The following ULK4 variants were observed in gnomAD, a reference collection of about 807,000 sequenced individuals.
ULK4 encodes inactive serine/threonine-protein kinase ULK4.
A neutral mutation model predicts 160.6 loss-of-function variants in ULK4; 133 were observed. That is an observed-to-expected ratio of 0.83 (90% CI 0.72 to 0.96). ULK4 has a LOEUF of 0.96. Ranked by LOEUF, ULK4 falls within the 40% of genes least tolerant of loss-of-function variation. The pLI is 0.00. For synonymous variants in ULK4, 534 were observed against 539.8 expected (o/e 0.99, Z 0.15); for missense variants, 1,580 against 1,499.5 (o/e 1.05, Z -0.89).
At chr3:41,635,816 G>C (rs2033930129) in intron 30 of ULK4, among the ~76,000 whole-genome samples, 1 of 152,192 alleles carries the variant, frequency 6.6e-6, no homozygotes, top group Non-Finnish European at 1.5e-5. Flanking sequence ...GAGCCTGTTA[G>C]ATATATTATA....
intron 34 of ULK4, among the ~76,000 whole-genome samples, chr3:41,409,912 G>A (rs1413488857): frequency 6.6e-6 from 1 of 151,464 alleles, no homozygotes; most frequent in African/African-American, 2.4e-5. Flanking sequence ...TCACGCCACT[G>A]TACTCCAGCC....
At chr3:41,857,401 TTC>T (rs1174784800) in intron 17 of ULK4, among the ~76,000 whole-genome samples, 1 of 152,220 alleles carries the variant, frequency 6.6e-6, no homozygotes, top group Non-Finnish European at 1.5e-5. Context: ...GCCCATAGTT[TTC>T]TTTTTTTGAT....
chr3:41,298,445 G>A (rs2079715644), intron 35 of ULK4, among the ~76,000 whole-genome samples: 2 of 152,152 alleles, frequency 1.3e-5, no homozygotes. Context: ...ATGTTTTCCT[G>A]TTGTTAAACT....
chr3:41,390,933 C>T (rs2081942814), intron 35 of ULK4, among the ~76,000 whole-genome samples: 1 of 151,934 alleles, frequency 6.6e-6, no homozygotes, highest in Non-Finnish European at 1.5e-5. Flanking sequence ...AAATCTCTCC[C>T]TATCCTTCCT....
At chr3:41,573,880 A>G (rs1035593097) in intron 31 of ULK4, among the ~76,000 whole-genome samples, 1 of 152,178 alleles carries the variant, frequency 6.6e-6, no homozygotes, top group African/African-American at 2.4e-5. Flanking sequence ...CAAGCTCAGA[A>G]AAGTCTTCAG....
intron 32 of ULK4, 63 bp from the exon 33 acceptor site, chr3:41,463,316 C>T (rs2083741357): frequency 6.6e-7 from 1 of 1,516,540 alleles, no homozygotes; most frequent in South Asian, 1.2e-5. Flanking sequence ...GTCATATGAA[C>T]CAAAAAGAGA....
At chr3:41,640,050 C>T (rs1265019717) in intron 30 of ULK4, among the ~76,000 whole-genome samples, 2 of 152,112 alleles carry the variant, frequency 1.3e-5, no homozygotes, top group Non-Finnish European at 2.9e-5. Context: ...TGGCTGATGG[C>T]CCATAAAAGC....
At chr3:41,814,908 C>CTTTTT (rs201381514) in intron 19 of ULK4, among the ~76,000 whole-genome samples, 3 of 127,434 alleles carry the variant, frequency 2.4e-5, no homozygotes, top group Non-Finnish European at 3.3e-5. Flanking sequence ...TAATTCTGTC[C>CTTTTT]TTTTTTTTTT....
chr3:41,523,123 G>A (rs979781723), intron 32 of ULK4, among the ~76,000 whole-genome samples: 1 of 152,100 alleles, frequency 6.6e-6, no homozygotes, highest in African/African-American at 2.4e-5. Flanking sequence ...TGGCCAGGCT[G>A]GTCACGAACT....
chr3:41,840,965 G>C (rs555361305), intron 17 of ULK4, among the ~76,000 whole-genome samples: 7 of 150,932 alleles, frequency 4.6e-5, no homozygotes, highest in African/African-American at 1.7e-4. Flanking sequence ...TGGGAAGTGA[G>C]GAGCGCCTCT....
chr3:41,249,462 C>T (rs2078703983), intron 36 of ULK4, 27 bp downstream of exon 36: 1 of 1,603,558 alleles, frequency 6.2e-7, no homozygotes, highest in African/African-American at 1.3e-5. Flanking sequence ...CTAGAGCAGA[C>T]TGCTGATCCT....
intron 22 of ULK4, among the ~76,000 whole-genome samples, chr3:41,724,492 A>T (rs919256164): frequency 2.6e-5 from 4 of 152,136 alleles, no homozygotes; most frequent in Non-Finnish European, 5.9e-5. Context: ...TGGGAGGCCG[A>T]GGCGGGTGGA....
At chr3:41,658,735 A>ACACACACACACACACACTCT (rs59048058) in intron 30 of ULK4, among the ~76,000 whole-genome samples, 9,391 of 131,354 alleles carry the variant, frequency 0.071, 432 homozygotes, top group Admixed American at 0.14. Context: ...CAGTACACAC[A>ACACACACACACACACACTCT]CACACACACA....
intron 35 of ULK4, among the ~76,000 whole-genome samples, chr3:41,265,291 G>A (rs544186691): frequency 2.6e-5 from 4 of 152,340 alleles, no homozygotes; most frequent in East Asian, 3.9e-4. Context: ...GGGCAGCCAC[G>A]TTTGTGAGAC....
At chr3:41,851,189 T>G (rs998717075) in intron 17 of ULK4, among the ~76,000 whole-genome samples, 4 of 152,320 alleles carry the variant, frequency 2.6e-5, no homozygotes, top group African/African-American at 9.6e-5. Context: ...TTTTTGCCCA[T>G]TCAGTATGAT....
intron 29 of ULK4, among the ~76,000 whole-genome samples, chr3:41,671,315 G>A (rs921163594): frequency 6.6e-6 from 1 of 151,944 alleles, no homozygotes; most frequent in African/African-American, 2.4e-5. Flanking sequence ...AAATCTAGAA[G>A]CATCACACTA....
chr3:41,419,012 C>G (rs562473707), intron 34 of ULK4, among the ~76,000 whole-genome samples: 2 of 152,190 alleles, frequency 1.3e-5, no homozygotes, highest in African/African-American at 4.8e-5. Flanking sequence ...AAGAGTCTTA[C>G]GAGGTTAGAA....
intron 17 of ULK4, among the ~76,000 whole-genome samples, chr3:41,839,929 C>A (rs1380404479): frequency 6.6e-6 from 1 of 152,058 alleles, no homozygotes; most frequent in Non-Finnish European, 1.5e-5. Context: ...AATCAAAGAA[C>A]ATCTAAATAA....
chr3:41,800,082 T>A (rs376448453), intron 20 of ULK4, 50 bp downstream of exon 20: 1 of 1,437,168 alleles, frequency 7.0e-7, no homozygotes, highest in African/African-American at 1.5e-5. Context: ...TCTTCAAACT[T>A]GCTGTTTAAA....
Sources: gnomAD v4.1 joint callset for allele counts (sites outside exome capture counted in the v4.1 genomes callset) on GRCh38, gnomAD v4.1.1 for gene constraint, MANE v1.5 for transcripts, NCBI Gene and HGNC (gene_info 2026-07-23, HGNC 2026-07-21) for gene names.